The following AGO3 variants were observed in gnomAD, a reference collection of about 807,000 sequenced individuals.
AGO3 encodes argonaute RISC catalytic component 3.
AGO3 carries 16 observed loss-of-function variants against 105.5 expected under a neutral mutation model. That is an observed-to-expected ratio of 0.15 (90% CI 0.10 to 0.23). The LOEUF (loss-of-function observed/expected upper bound fraction) is 0.23. AGO3 is among the 10% of genes least tolerant of loss of function. The pLI is 1.00. For missense variants in AGO3, 534 were observed against 1,088.0 expected (o/e 0.49, Z 7.16); for synonymous variants, 340 against 367.3 (o/e 0.93, Z 0.85).
In AGO3 at chr1:36,057,238, A is replaced by C. The variant is rs1642945524; in HGVS notation, c.*1493A>C. The C allele has an allele frequency of 6.6e-6, 1 of 151,750 alleles. No individual in the cohort carries two copies. Among genetic ancestry groups the C allele is most frequent in the Admixed American group, 6.6e-5 (1 of 15,228 alleles). 9.4% of individuals were successfully genotyped at this position (151,750 alleles called of 1,614,324 possible). A position where few individuals can be genotyped will look rare whatever the true frequency, so the allele number is the denominator to read the frequency against. On this transcript the variant is annotated 3_prime_UTR_variant, in exon 19 of 19. Coordinates refer to ENST00000373191, the MANE Select transcript of AGO3 (RefSeq NM_024852.4). ...AGCTCTGTAGGGTTGAGACCTCTGA[A>C]ATTGAGTAGAGAGAAGAGTTTGTTG... is the stretch of plus-strand genomic sequence containing the variant.
rs193271167 is a variant in AGO3, at chr1:36,018,429, G to T, written c.1406+4381G>T. 6.4e-3 allele frequency among the ~76,000 whole-genome samples: 978 copies of T among 151,884 alleles called. 5 individuals are homozygous for T. Among genetic ancestry groups the T allele is most frequent in the African/African-American group, 0.022 (927 of 41,380 alleles). ...AGGCGTAAACTTCTCTGTGTGTGAG[G>T]GTTTTTGTTTTTTTTTGTTTTTTGG... On this transcript the variant is annotated intron_variant, in intron 11 of 18. Transcript: ENST00000373191.
intron 11 of AGO3, among the ~76,000 whole-genome samples, chr1:36,024,921 C>G (rs1641430120): frequency 6.6e-6 from 1 of 152,146 alleles, no homozygotes; most frequent in Non-Finnish European, 1.5e-5. Context: ...TAACCTGTTT[C>G]CACTCATGCT....
chr1:36,050,011 A>G (rs1642639242), intron 17 of AGO3, among the ~76,000 whole-genome samples: 3 of 152,238 alleles, frequency 2.0e-5, no homozygotes, highest in Admixed American at 2.0e-4. Context: ...CAGATCATCT[A>G]GACAGAAAAT....
chr1:36,057,624 C>T lies in AGO3; in HGVS notation c.*1879C>T, dbSNP rs1192051765. 1 of 152,128 alleles carries T rather than the reference C, an allele frequency of 6.6e-6. No homozygotes were observed. Among genetic ancestry groups the T allele is most frequent in the African/African-American group, 2.4e-5 (1 of 41,420 alleles). 9.4% of individuals were successfully genotyped at this position (152,128 alleles called of 1,614,324 possible). On this transcript the variant is annotated 3_prime_UTR_variant, in exon 19 of 19. Coordinates refer to ENST00000373191, the MANE Select transcript of AGO3 (RefSeq NM_024852.4). The stretch of plus-strand genomic sequence containing the variant: ...AGTTTAAAAGGGCAAAGAATACAGC[C>T]TTAATTTCAGAAGGAAAGTTTTGTA...
At chr1:36,049,925 A>G (rs537411706) in intron 17 of AGO3, among the ~76,000 whole-genome samples, 11 of 152,356 alleles carry the variant, frequency 7.2e-5, no homozygotes, top group Non-Finnish European at 1.0e-4. Flanking sequence ...TAAAGCAAGT[A>G]TTATTAGCTC....
At chr1:35,984,075 G>A (rs749423245) in intron 5 of AGO3, among the ~76,000 whole-genome samples, 10 of 152,130 alleles carry the variant, frequency 6.6e-5, no homozygotes, top group African/African-American at 2.4e-4. Context: ...AGGAATACTA[G>A]CATTTAAGAA....
chr1:36,025,129 A>G (rs988453160), intron 11 of AGO3, among the ~76,000 whole-genome samples: 1 of 152,200 alleles, frequency 6.6e-6, no homozygotes, highest in African/African-American at 2.4e-5. Context: ...CAACAATGAA[A>G]CATTCTTGAG....
rs200874710 is a variant in AGO3, at chr1:35,944,819, G to GT, written c.20-866dup. On this transcript the variant is annotated intron_variant, in intron 1 of 18. Coordinates refer to ENST00000373191, the MANE Select transcript of AGO3 (RefSeq NM_024852.4). ...GCACCCAGCCCACTTATCTTTTTTT[G>GT]TTTTTTTGTTACGGGGTCTCACTCT... 3.3e-3 allele frequency among the ~76,000 whole-genome samples: 503 copies of GT among 151,498 alleles called. 6 individuals carry two copies. In the East Asian group the frequency reaches 0.045, roughly 14 times the overall value.
chr1:35,963,822 T>C (rs1418442100), intron 2 of AGO3, among the ~76,000 whole-genome samples: 1 of 152,096 alleles, frequency 6.6e-6, no homozygotes, highest in Non-Finnish European at 1.5e-5. Context: ...AACAACCAGT[T>C]GGGTGAAGAG....
chr1:36,009,327 C>A, intron 8 of AGO3, 148 bp from the exon 9 acceptor site: 1 of 967,024 alleles, frequency 1.0e-6, no homozygotes, highest in Non-Finnish European at 1.5e-6. Context: ...GTAGAGCTGT[C>A]TTGTTTACTA....
intron 1 of AGO3, among the ~76,000 whole-genome samples, chr1:35,933,640 CAAAAAAAAAA>C (rs34254758): frequency 5.7e-4 from 18 of 31,430 alleles, no homozygotes; most frequent in Admixed American, 2.0e-3. Flanking sequence ...GACCCTGTCT[CAAAAAAAAAA>C]AAAAAAAAAA....
intron 5 of AGO3, among the ~76,000 whole-genome samples, chr1:35,975,120 A>C (rs2148777585): frequency 6.6e-6 from 1 of 152,258 alleles, no homozygotes; most frequent in South Asian, 2.1e-4. Flanking sequence ...TGGCGGTTAG[A>C]CTGATGAGTT....
intron 11 of AGO3, among the ~76,000 whole-genome samples, chr1:36,016,891 T>C (rs2148822644): frequency 6.6e-6 from 1 of 152,298 alleles, no homozygotes; most frequent in South Asian, 2.1e-4. Context: ...GTATGGTCTG[T>C]TGGGGCCTCA....
chr1:36,020,543 A>C (rs1641161780), intron 11 of AGO3, among the ~76,000 whole-genome samples: 1 of 152,164 alleles, frequency 6.6e-6, no homozygotes, highest in South Asian at 2.1e-4. Flanking sequence ...CTTTTCCATT[A>C]ACCTCCTTGA....
At chr1:35,985,499 A>G (rs1647152899) in intron 5 of AGO3, among the ~76,000 whole-genome samples, 1 of 152,234 alleles carries the variant, frequency 6.6e-6, no homozygotes. Context: ...TCTAGAAACG[A>G]GCCACATATG....
chr1:36,048,731 C>T (rs571210266), intron 17 of AGO3, among the ~76,000 whole-genome samples: 2 of 152,176 alleles, frequency 1.3e-5, no homozygotes, highest in Non-Finnish European at 2.9e-5. Flanking sequence ...ACTCTGGTTT[C>T]CAGGCTGGAG....
intron 17 of AGO3, among the ~76,000 whole-genome samples, chr1:36,046,970 C>G (rs1469975969): frequency 1.3e-5 from 2 of 151,766 alleles, no homozygotes; most frequent in Non-Finnish European, 2.9e-5. Context: ...GCAGGCCGGC[C>G]GCAGTGGCTC....
intron 6 of AGO3, chr1:36,005,733 A>G: frequency 1.0e-6 from 1 of 985,406 alleles, no homozygotes; most frequent in East Asian, 1.1e-4. Flanking sequence ...TACAAGATGT[A>G]CAGAACAAGG....
rs1640752160 is a variant in AGO3, at chr1:36,014,047, A to C, written c.1405A>C (p.Lys469Gln). 1 of 1,614,044 alleles carries C rather than the reference A, an allele frequency of 6.2e-7. No individual in the cohort carries two copies. The change falls in exon 11 of 19, where the codon AAG (lysine) becomes CAG (glutamine). Residue 469 changes from lysine to glutamine, a missense_variant and splice_region_variant. Physicochemically the swap from Lys to Gln is moderately conservative, Grantham distance 53 (BLOSUM62 1). Around this residue, in one of 2 missense-constraint regions of AGO3, gnomAD observed 373 missense variants for 854.0 expected, o/e 0.44. Transcript: ENST00000373191. ...TQRQCREEIL[K>Q]GFTDQLRKIS... is the part of the protein sequence containing the mutation. ...GAGGCAGTGCAGAGAAGAAATATTG[A>C]AGTAAGACATGTCATTACCTTGGCT...
Sources: allele counts gnomAD v4.1 joint callset (sites outside exome capture counted in the v4.1 genomes callset), GRCh38; gene constraint gnomAD v4.1.1; regional missense constraint gnomAD v4.1.1; transcripts MANE v1.5; gene names NCBI Gene and HGNC (gene_info 2026-07-23, HGNC 2026-07-21).